The following NWD2 variants were observed in gnomAD, a reference collection of about 807,000 sequenced individuals.
NWD2 encodes the protein NACHT and WD repeat domain-containing protein 2.
In NWD2, 37 loss-of-function variants were observed where a neutral mutation model predicts 132.7. That is an observed-to-expected ratio of 0.28 (90% CI 0.21 to 0.37). NWD2 has a LOEUF of 0.37. Ranked by LOEUF, NWD2 falls within the 10% of genes least tolerant of loss-of-function variation. The probability of loss-of-function intolerance (pLI) is 1.00; values close to 1 mark genes in which losing one functional copy is unlikely to be tolerated. For missense variants in NWD2, 1,592 were observed against 2,122.4 expected (o/e 0.75, Z 4.91); for synonymous variants, 705 against 803.0 (o/e 0.88, Z 2.06).
In NWD2 at chr4:37,445,554, A is replaced by C; in HGVS notation, c.3566A>C (p.Asp1189Ala). Residue 1189 changes from aspartate to alanine, a missense_variant, in exon 7 of 7, where the codon GAC becomes GCC. This residue lies in a region of NWD2 where 1,071 missense variants were observed against 1,398.0 expected (regional missense o/e 0.77). Coordinates refer to ENST00000309447, the MANE Select transcript of NWD2 (RefSeq NM_001144990.2). The surrounding 1 kb of genome is among the most constrained non-coding windows in gnomAD (Gnocchi z 4.7). Reference protein sequence around the residue: ...LTDDFDCRREDSEVVSIELSE... With the variant: ...LTDDFDCRREASEVVSIELSE... The stretch of plus-strand genomic sequence containing the variant: ...GATGACTTTGATTGCCGAAGAGAAG[A>C]CAGTGAGGTGGTCAGCATTGAGCTT... The C allele has an allele frequency of 6.4e-7, 1 of 1,552,214 alleles. No individual in the cohort carries two copies. Among genetic ancestry groups the C allele is most frequent in the Non-Finnish European group, 8.7e-7 (1 of 1,147,122 alleles).
intron 3 of NWD2, among the ~76,000 whole-genome samples, chr4:37,377,909 C>CA (rs1005706629): frequency 3.6e-4 from 55 of 151,646 alleles, no homozygotes; most frequent in African/African-American, 1.2e-3. Context: ...TGTTTCACCA[C>CA]AAAAAAAATA....
intron 1 of NWD2, among the ~76,000 whole-genome samples, chr4:37,271,634 A>G (rs1717872559): frequency 6.6e-6 from 1 of 151,776 alleles, no homozygotes; most frequent in Non-Finnish European, 1.5e-5. Context: ...ATCATCTAGA[A>G]TGAGTTTCAC....
chr4:37,269,661 A>G (rs1189421599), intron 1 of NWD2, among the ~76,000 whole-genome samples: 1 of 151,934 alleles, frequency 6.6e-6, no homozygotes, highest in Non-Finnish European at 1.5e-5. Flanking sequence ...TATGGTGTGT[A>G]TCAGTAGTTC....
intron 1 of NWD2, among the ~76,000 whole-genome samples, chr4:37,323,845 A>G (rs1719117051): frequency 7.9e-6 from 1 of 126,128 alleles, no homozygotes; most frequent in South Asian, 2.8e-4. Context: ...ACACCATGGA[A>G]TACTACACAG....
chr4:37,333,361 T>G (rs1387901799), intron 2 of NWD2, among the ~76,000 whole-genome samples: 3 of 151,892 alleles, frequency 2.0e-5, no homozygotes, highest in Non-Finnish European at 4.4e-5. Context: ...GTGTCACCCC[T>G]CCCCCAGCTC....
At chr4:37,425,219 T>G (rs1256684196) in intron 3 of NWD2, among the ~76,000 whole-genome samples, 1 of 152,224 alleles carries the variant, frequency 6.6e-6, no homozygotes, top group East Asian at 1.9e-4. Context: ...ATTTACTACA[T>G]TTACAGTGTT....
At chr4:37,374,109 A>G (rs1014581058) in intron 3 of NWD2, among the ~76,000 whole-genome samples, 1 of 152,208 alleles carries the variant, frequency 6.6e-6, no homozygotes, top group Non-Finnish European at 1.5e-5. Flanking sequence ...TGTTTGGGTC[A>G]GGGGAGCAGA....
intron 3 of NWD2, among the ~76,000 whole-genome samples, chr4:37,422,977 G>A (rs1049464126): frequency 4.8e-5 from 7 of 146,216 alleles, no homozygotes; most frequent in South Asian, 2.2e-4. Context: ...CACATTGTAG[G>A]AAATTGATTT....
At position 37,325,970 on chromosome 4, in the gene NWD2, T is replaced by A; in HGVS notation, c.186T>A (p.Asn62Lys). The A allele has an allele frequency of 6.5e-7, 1 of 1,548,972 alleles. No homozygotes were observed. The highest frequency in any genetic ancestry group is 8.7e-7 in the Non-Finnish European group (1 of 1,144,770). The change falls in exon 2 of 7, where the codon AAT (asparagine) becomes AAA (lysine). Residue 62 changes from asparagine to lysine, a missense_variant. Around this residue, in one of 7 missense-constraint regions of NWD2, gnomAD observed 88 missense variants for 92.8 expected, o/e 0.95. Coordinates refer to ENST00000309447, the MANE Select transcript of NWD2 (RefSeq NM_001144990.2). ...CAGAAAGACAGGCGCTAAGAGAAAA[T>A]GTATATCCTAAACTGAGAGAATTCT... ...TGAERQALRENVYPKLREFCR... is the reference protein window; with the variant it reads ...TGAERQALREKVYPKLREFCR...
chr4:37,372,173 A>G (rs951345185), intron 3 of NWD2, among the ~76,000 whole-genome samples: 1 of 152,180 alleles, frequency 6.6e-6, no homozygotes, highest in Non-Finnish European at 1.5e-5. Context: ...TATTAAAACT[A>G]AACACACTTA....
chr4:37,256,446 A>G (rs910565799), intron 1 of NWD2, among the ~76,000 whole-genome samples: 20 of 152,342 alleles, frequency 1.3e-4, no homozygotes, highest in African/African-American at 4.3e-4. Context: ...ATCTACTTAC[A>G]TGAGGTGGAA....
chr4:37,396,748 C>T (rs540269260), intron 3 of NWD2, among the ~76,000 whole-genome samples: 58 of 152,080 alleles, frequency 3.8e-4, no homozygotes, highest in Admixed American at 1.8e-3. Context: ...AAAAGCAAAG[C>T]GAGGCTGGGC....
At chr4:37,348,833 A>C (rs1273253173) in intron 2 of NWD2, among the ~76,000 whole-genome samples, 1 of 150,330 alleles carries the variant, frequency 6.7e-6, no homozygotes, top group Non-Finnish European at 1.5e-5. Context: ...TCCCTCCCCT[A>C]GTACCCCACC....
At chr4:37,409,302 GAGA>G (rs1721108381) in intron 3 of NWD2, among the ~76,000 whole-genome samples, 1 of 151,866 alleles carries the variant, frequency 6.6e-6, no homozygotes, top group Non-Finnish European at 1.5e-5. Context: ...AACCAGTTTA[GAGA>G]AGAACATAAA....
At chr4:37,275,510 T>C (rs1231298742) in intron 1 of NWD2, among the ~76,000 whole-genome samples, 1 of 152,108 alleles carries the variant, frequency 6.6e-6, no homozygotes, top group Non-Finnish European at 1.5e-5. Context: ...CCCAAGGTAA[T>C]TTATAGATTC....
At position 37,367,757 on chromosome 4, in the gene NWD2, C is replaced by T. The variant is rs568939381; in HGVS notation, c.357+11275C>T. 5.3e-5 allele frequency among the ~76,000 whole-genome samples: 8 copies of T among 152,206 alleles called. No individual in the cohort carries two copies. In the South Asian group the frequency reaches 8.3e-4, roughly 16 times the overall value. On this transcript the variant is annotated intron_variant, in intron 3 of 6. Coordinates refer to ENST00000309447, the MANE Select transcript of NWD2 (RefSeq NM_001144990.2). ...TGTTGAACACGTTTCCTCTTTTTCT[C>T]ATACCAACCCATGGGGCTGTTATTT...
At chr4:37,282,393 T>A (rs1040028317) in intron 1 of NWD2, among the ~76,000 whole-genome samples, 1 of 152,230 alleles carries the variant, frequency 6.6e-6, no homozygotes, top group Admixed American at 6.5e-5. Flanking sequence ...GTAATTTAAG[T>A]GCTTAGAAAA....
chr4:37,294,972 G>A (rs1450542815), intron 1 of NWD2, among the ~76,000 whole-genome samples: 2 of 152,184 alleles, frequency 1.3e-5, no homozygotes, highest in Non-Finnish European at 2.9e-5. Context: ...AGGGAAAGGA[G>A]GGAGGGTATG....
At chr4:37,293,813 C>T (rs1282229011) in intron 1 of NWD2, among the ~76,000 whole-genome samples, 3 of 151,756 alleles carry the variant, frequency 2.0e-5, no homozygotes, top group African/African-American at 7.3e-5. Flanking sequence ...TATTGTTATT[C>T]CTACCAGCTA....
Sources: allele counts gnomAD v4.1 joint callset (sites outside exome capture counted in the v4.1 genomes callset), GRCh38; gene constraint gnomAD v4.1.1; regional missense constraint gnomAD v4.1.1; non-coding constraint Gnocchi (gnomAD v3.1); transcripts MANE v1.5; gene names NCBI Gene and HGNC (gene_info 2026-07-23, HGNC 2026-07-21).